Variants in NAALADL2 observed in about 807,000 individuals in gnomAD.
NAALADL2 encodes N-acetylated alpha-linked acidic dipeptidase like 2.
A neutral mutation model predicts 87.2 loss-of-function variants in NAALADL2; 76 were observed. The ratio of observed to expected loss-of-function variants is 0.87; its 90% CI spans 0.72 to 1.05. NAALADL2 has a LOEUF of 1.05. Ranked by LOEUF, NAALADL2 falls within the 50% of genes least tolerant of loss-of-function variation. The pLI, the probability that NAALADL2 is intolerant of heterozygous loss-of-function variation, is 0.00. For synonymous variants in NAALADL2, 354 were observed against 331.0 expected, an observed-to-expected ratio of 1.07 and a Z score of -0.75; for missense variants, 1,089 against 945.8, an observed-to-expected ratio of 1.15 and a Z score of -1.99.
intron 13 of NAALADL2, among the ~76,000 whole-genome samples, chr3:175,795,931 T>C (rs1197118644): frequency 6.6e-6 from 1 of 151,958 alleles, no homozygotes; most frequent in Non-Finnish European, 1.5e-5. Flanking sequence ...CTGCAACCAG[T>C]GCCTCTGCTG....
chr3:175,729,265 G>T (rs1279478266), intron 11 of NAALADL2, among the ~76,000 whole-genome samples: 2 of 152,050 alleles, frequency 1.3e-5, no homozygotes, highest in Non-Finnish European at 2.9e-5. Flanking sequence ...CTCCCCCATA[G>T]CATGGTAATG....
chr3:175,414,273 A>C (rs940703067), intron 5 of NAALADL2, among the ~76,000 whole-genome samples: 1 of 152,192 alleles, frequency 6.6e-6, no homozygotes, highest in African/African-American at 2.4e-5. Context: ...ATCTTTGTCA[A>C]TGATGAATAG....
At chr3:175,649,196 A>T (rs2149783403) in intron 11 of NAALADL2, among the ~76,000 whole-genome samples, 1 of 152,266 alleles carries the variant, frequency 6.6e-6, no homozygotes, top group East Asian at 1.9e-4. Context: ...CCTCATTATT[A>T]TATCTCTTCA....
chr3:175,246,605 A>T (rs1748024747), intron 3 of NAALADL2, among the ~76,000 whole-genome samples: 1 of 152,168 alleles, frequency 6.6e-6, no homozygotes, highest in Non-Finnish European at 1.5e-5. Context: ...GGTGGACTGT[A>T]CCGGGGTAAT....
At chr3:175,759,352 CT>C (rs768277021) in intron 13 of NAALADL2, among the ~76,000 whole-genome samples, 11,777 of 139,776 alleles carry the variant, frequency 0.084, 189 homozygotes, top group South Asian at 0.11. Flanking sequence ...TCAAGAAAGA[CT>C]TTTTTTTTTT....
rs180826604 is a variant in NAALADL2 at position 175,515,113 on chromosome 3, T to C, written c.1653+43355T>C. 3.0e-4 allele frequency among the ~76,000 whole-genome samples: 45 copies of C among 152,360 alleles called. No homozygotes were observed. The Middle Eastern group carries it at 0.01, about 35-fold the overall frequency. On this transcript the variant is annotated intron_variant, in intron 9 of 13. Coordinates refer to ENST00000454872, the MANE Select transcript of NAALADL2 (RefSeq NM_207015.3). ...GAACTATCAAAGGATTCAATCTGTG[T>C]CATGGTGTTTGATCAATTTTCTCTT...
At chr3:175,417,729 A>AT (rs2149110470) in intron 5 of NAALADL2, among the ~76,000 whole-genome samples, 1 of 152,292 alleles carries the variant, frequency 6.6e-6, no homozygotes, top group South Asian at 2.1e-4. Context: ...GCTGTCTGAC[A>AT]TTAAAAAATT....
intron 5 of NAALADL2, among the ~76,000 whole-genome samples, chr3:175,330,969 A>G (rs1761323531): frequency 6.6e-6 from 1 of 152,150 alleles, no homozygotes; most frequent in Non-Finnish European, 1.5e-5. Flanking sequence ...AAAAGACATT[A>G]CAACTGAAAC....
chr3:175,149,232 T>A (rs1451917013), intron 2 of NAALADL2, among the ~76,000 whole-genome samples: 1 of 152,182 alleles, frequency 6.6e-6, no homozygotes, highest in East Asian at 1.9e-4. Flanking sequence ...AAACCTGTTT[T>A]AAAATGTTCA....
At chr3:175,744,796 T>C (rs919115231) in intron 12 of NAALADL2, among the ~76,000 whole-genome samples, 1 of 152,208 alleles carries the variant, frequency 6.6e-6, no homozygotes, top group African/African-American at 2.4e-5. Context: ...AGTTTTAACT[T>C]TAGCTACAAT....
At chr3:175,765,988 A>G (rs1217109300) in intron 13 of NAALADL2, among the ~76,000 whole-genome samples, 1 of 152,136 alleles carries the variant, frequency 6.6e-6, no homozygotes, top group African/African-American at 2.4e-5. Flanking sequence ...CATACATTTG[A>G]TCCAAATTAT....
intron 3 of NAALADL2, among the ~76,000 whole-genome samples, chr3:174,841,971 G>A (rs1724069730): frequency 6.6e-6 from 1 of 151,802 alleles, no homozygotes; most frequent in Admixed American, 6.6e-5. Context: ...ATATATATCT[G>A]TGTATGTGTG....
intron 1 of NAALADL2, among the ~76,000 whole-genome samples, chr3:174,936,147 G>T (rs1737658201): frequency 6.6e-6 from 1 of 152,066 alleles, no homozygotes; most frequent in Admixed American, 6.6e-5. Context: ...AGTGTTCACT[G>T]TTCACAATTT....
At chr3:175,198,245 CGAA>C (rs1355037083) in intron 2 of NAALADL2, among the ~76,000 whole-genome samples, 2 of 151,884 alleles carry the variant, frequency 1.3e-5, no homozygotes, top group Non-Finnish European at 2.9e-5. Flanking sequence ...ATATTAAATT[CGAA>C]GAATCTAGTA....
intron 1 of NAALADL2, among the ~76,000 whole-genome samples, chr3:174,441,953 C>A (rs532828839): frequency 1.3e-5 from 2 of 152,056 alleles, no homozygotes; most frequent in Non-Finnish European, 2.9e-5. Context: ...GTTATCCCTG[C>A]GGAACAGAAA....
chr3:175,686,861 T>G (rs1310412376), intron 11 of NAALADL2, among the ~76,000 whole-genome samples: 2 of 152,178 alleles, frequency 1.3e-5, no homozygotes, highest in South Asian at 4.1e-4. Context: ...TGGTGAAAAT[T>G]GCTACAATTC....
intron 1 of NAALADL2, among the ~76,000 whole-genome samples, chr3:174,954,621 G>T (rs1740895000): frequency 6.6e-6 from 1 of 151,966 alleles, no homozygotes; most frequent in Admixed American, 6.6e-5. Flanking sequence ...TGGTGCAATG[G>T]GATATAATTT....
intron 2 of NAALADL2, among the ~76,000 whole-genome samples, chr3:174,639,305 C>A (rs1326908663): frequency 6.6e-6 from 1 of 152,108 alleles, no homozygotes; most frequent in Non-Finnish European, 1.5e-5. Context: ...TTATTGAGTT[C>A]TTTCAATGTA....
chr3:175,663,370 G>A (rs1732533957), intron 11 of NAALADL2, among the ~76,000 whole-genome samples: 2 of 151,568 alleles, frequency 1.3e-5, no homozygotes, highest in East Asian at 3.9e-4. Flanking sequence ...TCTCTGACAA[G>A]CCTTTTTATT....
Sources: gnomAD v4.1 joint callset for allele counts (sites outside exome capture counted in the v4.1 genomes callset) on GRCh38, gnomAD v4.1.1 for gene constraint, MANE v1.5 for transcripts, NCBI Gene and HGNC (gene_info 2026-07-23, HGNC 2026-07-21) for gene names.